ST6GALNAC3: variants seen among roughly 807,000 people sequenced by gnomAD.
ST6GALNAC3 encodes the protein ST6 N-acetylgalactosaminide alpha-2,6-sialyltransferase 3, also known as alpha-N-acetylgalactosaminide alpha-2,6-sialyltransferase 3.
ST6GALNAC3 carries 25 observed loss-of-function variants against 32.7 expected under a neutral mutation model. The ratio of observed to expected loss-of-function variants is 0.76; its 90% CI spans 0.56 to 1.07. The LOEUF (loss-of-function observed/expected upper bound fraction) is 1.07, where lower values mean the gene tolerates loss of function less well. Ranked by LOEUF, ST6GALNAC3 falls within the 50% of genes least tolerant of loss-of-function variation. ST6GALNAC3 has a pLI of 0.00. For missense variants in ST6GALNAC3, 355 were observed against 382.4 expected (o/e 0.93, Z 0.60); for synonymous variants, 129 against 133.1 (o/e 0.97, Z 0.21).
At chr1:76,318,500 G>C (rs754247369) in intron 2 of ST6GALNAC3, among the ~76,000 whole-genome samples, 1 of 152,070 alleles carries the variant, frequency 6.6e-6, no homozygotes, top group African/African-American at 2.4e-5. Context: ...TGTTTAAGCT[G>C]ATAGCAACCA....
intron 1 of ST6GALNAC3, among the ~76,000 whole-genome samples, chr1:76,246,597 G>T (rs1657273327): frequency 6.6e-6 from 1 of 151,826 alleles, no homozygotes; most frequent in Non-Finnish European, 1.5e-5. Context: ...TCTTGATTTG[G>T]CTGTTGATAC....
intron 1 of ST6GALNAC3, among the ~76,000 whole-genome samples, chr1:76,090,910 C>T (rs1185429694): frequency 6.6e-6 from 1 of 152,168 alleles, no homozygotes; most frequent in Non-Finnish European, 1.5e-5. Context: ...GTAGAATATT[C>T]TTCTATTGTC....
intron 2 of ST6GALNAC3, among the ~76,000 whole-genome samples, chr1:76,367,492 G>A (rs146994056): frequency 6.6e-6 from 1 of 152,214 alleles, no homozygotes; most frequent in East Asian, 1.9e-4. Flanking sequence ...GGAGGGTAGG[G>A]GAGAAGATTC....
chr1:76,190,854 T>G (rs1191911636), intron 1 of ST6GALNAC3, among the ~76,000 whole-genome samples: 2 of 152,184 alleles, frequency 1.3e-5, no homozygotes, highest in East Asian at 3.9e-4. Context: ...CAGAAGCCCA[T>G]TTAAAAATTG....
At position 76,478,600 on chromosome 1, in the gene ST6GALNAC3, GTTT is replaced by G. The variant is rs578110658; in HGVS notation, c.623+66186_623+66188del. On this transcript the variant is annotated intron_variant, in intron 3 of 4. Coordinates refer to ENST00000328299, the MANE Select transcript of ST6GALNAC3 (RefSeq NM_152996.4). Reference sequence around the variant, plus strand: ...TAACTCCCATTCAGACAGAAAATTTGTTTTTATTACCCACAAGAGAAAATGATC... The same window carrying G: ...TAACTCCCATTCAGACAGAAAATTTGTTATTACCCACAAGAGAAAATGATC... Among the ~76,000 whole-genome samples, 363 of 152,048 alleles carry G rather than the reference GTTT, an allele frequency of 2.4e-3. 4 individuals carry two copies. The highest frequency in any genetic ancestry group is 3.7e-3 in the Non-Finnish European group (252 of 67,964).
intron 1 of ST6GALNAC3, among the ~76,000 whole-genome samples, chr1:76,228,015 G>A (rs533092901): frequency 2.0e-5 from 3 of 152,310 alleles, no homozygotes; most frequent in African/African-American, 7.2e-5. Context: ...TGTTAGCAAA[G>A]CGTGTATCTG....
intron 1 of ST6GALNAC3, among the ~76,000 whole-genome samples, chr1:76,304,658 G>C (rs531162579): frequency 6.6e-6 from 1 of 152,180 alleles, no homozygotes; most frequent in African/African-American, 2.4e-5. Flanking sequence ...ACTTGTTACA[G>C]AGAGATGCAT....
At chr1:76,333,032 C>G (rs774345470) in intron 2 of ST6GALNAC3, among the ~76,000 whole-genome samples, 5 of 152,154 alleles carry the variant, frequency 3.3e-5, no homozygotes, top group Non-Finnish European at 5.9e-5. Flanking sequence ...GCTGGACCCT[C>G]TTTGCATCTC....
chr1:76,588,981 A>T (rs921430329), intron 3 of ST6GALNAC3, among the ~76,000 whole-genome samples: 1 of 152,162 alleles, frequency 6.6e-6, no homozygotes, highest in Non-Finnish European at 1.5e-5. Context: ...CAAGTATTAA[A>T]TTTTCTCTGT....
At chr1:76,338,516 A>G (rs1043961914) in intron 2 of ST6GALNAC3, among the ~76,000 whole-genome samples, 2 of 152,216 alleles carry the variant, frequency 1.3e-5, no homozygotes, top group African/African-American at 2.4e-5. Context: ...AGCATGTAGC[A>G]TAAGTAGGTC....
chr1:76,422,400 A>G (rs527483262), intron 3 of ST6GALNAC3, among the ~76,000 whole-genome samples: 2 of 152,154 alleles, frequency 1.3e-5, no homozygotes, highest in Non-Finnish European at 2.9e-5. Flanking sequence ...TATCCAAGAG[A>G]TCATCATTGC....
In ST6GALNAC3 at chr1:76,240,627, G is replaced by A. The variant is rs147477433; in HGVS notation, c.19-73178G>A. Among the ~76,000 whole-genome samples, 569 of 152,300 alleles carry A rather than the reference G, an allele frequency of 3.7e-3. 6 individuals carry two copies. The highest frequency in any genetic ancestry group is 0.013 in the African/African-American group (527 of 41,556). ...CCAGACACCTGGGATGGGGATGCCCGGAGCAATCTTGGAAGCCAGTCAGCT... is the reference window on the plus strand; with the variant it reads ...CCAGACACCTGGGATGGGGATGCCCAGAGCAATCTTGGAAGCCAGTCAGCT... On this transcript the variant is annotated intron_variant, in intron 1 of 4. Coordinates refer to ENST00000328299, the MANE Select transcript of ST6GALNAC3 (RefSeq NM_152996.4).
In ST6GALNAC3 at chr1:76,385,177, T is replaced by C. The variant is rs537118727; in HGVS notation, c.214-26831T>C. On this transcript the variant is annotated intron_variant, in intron 2 of 4. Transcript: ENST00000328299. ...AAAAAATGCAGAAGCATTTTCTGGG[T>C]AAAGAAAGATGGGCAAACATTACAA... Among the ~76,000 whole-genome samples, 16 of 152,246 alleles carry C rather than the reference T, an allele frequency of 1.1e-4. No homozygotes were observed. The South Asian group carries it at 3.3e-3, about 32-fold the overall frequency.
chr1:76,341,658 T>C (rs563228377), intron 2 of ST6GALNAC3, among the ~76,000 whole-genome samples: 5 of 146,472 alleles, frequency 3.4e-5, no homozygotes, highest in South Asian at 2.2e-4. Context: ...TCTTTCTTTC[T>C]TTCTTTCTTT....
At position 76,627,499 on chromosome 1, in the gene ST6GALNAC3, T is replaced by C. The variant is rs1171616478; in HGVS notation, c.671T>C (p.Leu224Pro). The C allele has an allele frequency of 6.2e-7, 1 of 1,612,794 alleles. No individual in the cohort carries two copies. The highest frequency in any genetic ancestry group is 8.5e-7 in the Non-Finnish European group (1 of 1,179,082). ...YLSTGWFTFL[L>P]AMDACYGIHV... ...AGCACAGGGTGGTTTACCTTCCTTC[T>C]GGCCATGGACGCCTGTTATGGCATT... Residue 224 changes from leucine to proline, a missense_variant, in exon 4 of 5, where the codon CTG (leucine) becomes CCG (proline). Coordinates refer to ENST00000328299, the MANE Select transcript of ST6GALNAC3 (RefSeq NM_152996.4).
In ST6GALNAC3 at chr1:76,632,155, G is replaced by T. The variant is rs1649327731; in HGVS notation, c.*3349G>T. ...CACTGGTGCATGTGAATCACAGAAA[G>T]CCCTATTTTAGACTTCATCTGAAAT... On this transcript the variant is annotated 3_prime_UTR_variant, in exon 5 of 5. Transcript: ENST00000328299. 1 of 152,056 alleles carries T rather than the reference G, an allele frequency of 6.6e-6. No homozygotes were observed. The highest frequency in any genetic ancestry group is 6.6e-5 in the Admixed American group (1 of 15,258). The allele number at this position is 152,056 out of a possible 1,614,324, so 9.4% of individuals were successfully genotyped here.
At chr1:76,137,900 A>G (rs929190279) in intron 1 of ST6GALNAC3, among the ~76,000 whole-genome samples, 3 of 152,146 alleles carry the variant, frequency 2.0e-5, no homozygotes, top group Middle Eastern at 3.4e-3. Flanking sequence ...TGACCCAAAC[A>G]CTCCTTGTTA....
At chr1:76,395,921 T>C (rs1268361107) in intron 2 of ST6GALNAC3, among the ~76,000 whole-genome samples, 1 of 152,086 alleles carries the variant, frequency 6.6e-6, no homozygotes, top group Admixed American at 6.6e-5. Flanking sequence ...GTGAATATAG[T>C]TAAAAATAAG....
chr1:76,559,301 C>T (rs1052687291), intron 3 of ST6GALNAC3, among the ~76,000 whole-genome samples: 67 of 152,230 alleles, frequency 4.4e-4, no homozygotes, highest in African/African-American at 1.5e-3. Flanking sequence ...CAACAAACGA[C>T]GTTAGGACAA....
Sources: gnomAD v4.1 joint callset for allele counts (sites outside exome capture counted in the v4.1 genomes callset) on GRCh38, gnomAD v4.1.1 for gene constraint, MANE v1.5 for transcripts, NCBI Gene and HGNC (gene_info 2026-07-23, HGNC 2026-07-21) for gene names.